The following SLC2A8 variants were observed in gnomAD, a reference collection of about 807,000 sequenced individuals.
The protein encoded by SLC2A8 is solute carrier family 2, facilitated glucose transporter member 8.
SLC2A8 carries 53 observed loss-of-function variants against 49.2 expected under a neutral mutation model. The ratio of observed to expected loss-of-function variants is 1.08; its 90% CI spans 0.86 to 1.35. The LOEUF (loss-of-function observed/expected upper bound fraction) is 1.35. SLC2A8 is among the 40% of genes most tolerant of loss of function. SLC2A8 has a pLI of 0.00. For synonymous variants in SLC2A8, 299 were observed against 297.0 expected (o/e 1.01, Z -0.07); for missense variants, 688 against 671.7 (o/e 1.02, Z -0.27).
rs529857347 is a variant in SLC2A8 at position 127,404,801 on chromosome 9, C to T, written c.977-17C>T. 171 of 1,602,252 alleles carry T rather than the reference C, an allele frequency of 1.1e-4. 1 individual carries two copies. In the South Asian group the frequency reaches 1.3e-3, roughly 12 times the overall value. On this transcript the variant is annotated splice_polypyrimidine_tract_variant and intron_variant, in intron 7 of 9. Coordinates refer to ENST00000373371, the MANE Select transcript of SLC2A8 (RefSeq NM_014580.5). Reference sequence around the variant, plus strand: ...GTTCCCCGGGTGCCCCGCCCACTGCCGCCCTCCCGCCTGCAGGTGTGGTCA... The same window carrying T: ...GTTCCCCGGGTGCCCCGCCCACTGCTGCCCTCCCGCCTGCAGGTGTGGTCA...
chr9:127,406,194 G>A (rs528047593), intron 9 of SLC2A8, among the ~76,000 whole-genome samples: 4 of 152,364 alleles, frequency 2.6e-5, no homozygotes, highest in East Asian at 3.9e-4. Context: ...CATTCAAGGC[G>A]CCAGGGAGAG....
In SLC2A8 at chr9:127,403,774, G is replaced by A. The variant is rs768731272; in HGVS notation, c.838G>A (p.Glu280Lys). Residue 280 changes from glutamate to lysine, a missense_variant, in exon 6 of 10, where the codon GAG becomes AAG. Coordinates refer to ENST00000373371, the MANE Select transcript of SLC2A8 (RefSeq NM_014580.5). ...SGVNAVMFYA[E>K]TIFEEAKFKD... ...GGTCAACGCCGTCATGTTCTATGCA[G>A]AGACCATCTTTGAAGAGGCCAAGTT... 11 of 1,613,156 alleles carry A rather than the reference G, an allele frequency of 6.8e-6. No individual in the cohort carries two copies. The highest frequency in any genetic ancestry group is 9.3e-6 in the Non-Finnish European group (11 of 1,179,974).
intron 8 of SLC2A8, 113 bp from the exon 9 acceptor site, chr9:127,405,307 C>T (rs1469779677): frequency 1.0e-5 from 13 of 1,265,318 alleles, no homozygotes; most frequent in Non-Finnish European, 1.4e-5. Flanking sequence ...ACACTGGGAT[C>T]CGGGACCCCA....
chr9:127,407,305 A>G lies in SLC2A8; in HGVS notation c.*56A>G. 6.2e-7 allele frequency: 1 copy of G among 1,607,080 alleles called. No individual in the cohort carries two copies. Among genetic ancestry groups the G allele is most frequent in the Non-Finnish European group, 8.5e-7 (1 of 1,175,680 alleles). On this transcript the variant is annotated 3_prime_UTR_variant, in exon 10 of 10. Transcript: ENST00000373371. ...GTGACTCCAAGCTGGGCCCAAGCCC[A>G]GAGCCCCTGCCTGCCCCAGGGGAGC...
rs1479805410 is a variant in SLC2A8 at position 127,397,247 on chromosome 9, C to G, written c.17C>G (p.Pro6Arg). 1 of 1,440,614 alleles carries G rather than the reference C, an allele frequency of 6.9e-7. No individual in the cohort carries two copies. The highest frequency in any genetic ancestry group is 3.0e-5 in the Admixed American group (1 of 33,514). The allele number at this position is 1,440,614 out of a possible 1,614,324, so 89.2% of individuals were successfully genotyped here. The change falls in exon 1 of 10, where the codon CCA becomes CGA. Residue 6 changes from proline to arginine, a missense_variant. Transcript: ENST00000373371. MTPEDPEETQPLLGPP... is the reference protein window; with the variant it reads MTPEDREETQPLLGPP... The stretch of plus-strand genomic sequence containing the variant: ...GCCGCCGACATGACGCCCGAGGACC[C>G]AGAGGAAACCCAGCCGCTTCTGGGG...
rs572642864 is a variant in SLC2A8 at position 127,397,441 on chromosome 9, G to C, written c.122G>C (p.Gly41Ala). 41 of 1,487,222 alleles carry C rather than the reference G, an allele frequency of 2.8e-5. 1 individual carries two copies. In the South Asian group the frequency reaches 4.4e-4, roughly 16 times the overall value. The allele number at this position is 1,487,222 out of a possible 1,614,324, so 92.1% of individuals were successfully genotyped here. The change falls in exon 2 of 10, where the codon GGC becomes GCC. Residue 41 changes from glycine (G) to alanine (A), a missense_variant. Transcript: ENST00000373371. ...GCTGCCCTGGGCCCACTCAGCTTCG[G>C]CTTCGCGCTCGGCTACAGCTCCCCG... Reference protein sequence around the residue: ...FAAALGPLSFGFALGYSSPAI... With the variant: ...FAAALGPLSFAFALGYSSPAI...
At chr9:127,403,897 G>T in intron 6 of SLC2A8, 62 bp from the exon 7 acceptor site, 1 of 1,600,758 alleles carries the variant, frequency 6.2e-7, no homozygotes, top group Non-Finnish European at 8.5e-7. Flanking sequence ...CACAGGCCTG[G>T]AGAGGGAGGG....
At chr9:127,404,093 C>T (rs771653193) in intron 7 of SLC2A8, 26 bp downstream of exon 7, 1 of 1,536,648 alleles carries the variant, frequency 6.5e-7, no homozygotes, top group African/African-American at 1.4e-5. Flanking sequence ...TGTGCAGCCT[C>T]CCCGCCATGC....
At chr9:127,407,018 G>A in intron 9 of SLC2A8, 94 bp from the exon 10 acceptor site, 1 of 1,446,380 alleles carries the variant, frequency 6.9e-7, no homozygotes, top group Non-Finnish European at 9.5e-7. Flanking sequence ...GGGGTCAGGG[G>A]ACTGGACCCC....
chr9:127,398,321 G>T (rs776992243), intron 3 of SLC2A8: 5 of 782,080 alleles, frequency 6.4e-6, no homozygotes, highest in African/African-American at 1.7e-5. Flanking sequence ...GTCATGACAT[G>T]CAGTCTCGGA....
intron 4 of SLC2A8, among the ~76,000 whole-genome samples, chr9:127,401,810 G>A (rs749348183): frequency 7.2e-5 from 11 of 152,136 alleles, no homozygotes; most frequent in Non-Finnish European, 1.2e-4. Context: ...AGAAAAATAG[G>A]GACATCATGG....
chr9:127,403,794 C>G lies in SLC2A8; in HGVS notation c.858C>G (p.Ala286=), dbSNP rs773571199. The G allele has an allele frequency of 3.1e-6, 5 of 1,612,764 alleles. No homozygotes were observed. Among genetic ancestry groups the G allele is most frequent in the Non-Finnish European group, 4.2e-6 (5 of 1,179,714 alleles). Residue 286 remains alanine, a synonymous_variant, in exon 6 of 10, where the codon GCC becomes GCG. Transcript: ENST00000373371. Reference sequence around the variant, plus strand: ...ATGCAGAGACCATCTTTGAAGAGGCCAAGTTCAAGGTAAAAGGGCCCTGCC... The same window carrying G: ...ATGCAGAGACCATCTTTGAAGAGGCGAAGTTCAAGGTAAAAGGGCCCTGCC... The part of the protein sequence containing the change: ...MFYAETIFEE[A]KFKDSSLASV...
chr9:127,397,243 G>T lies in SLC2A8; in HGVS notation c.13G>T (p.Asp5Tyr). MTPE[D>Y]PEETQPLLGP... ...GTTGGCCGCCGACATGACGCCCGAG[G>T]ACCCAGAGGAAACCCAGCCGCTTCT... Residue 5 changes from aspartate (D) to tyrosine (Y), a missense_variant, in exon 1 of 10, where the codon GAC becomes TAC. Coordinates refer to ENST00000373371, the MANE Select transcript of SLC2A8 (RefSeq NM_014580.5). 1 of 1,447,666 alleles carries T rather than the reference G, an allele frequency of 6.9e-7. No individual in the cohort carries two copies. The highest frequency in any genetic ancestry group is 9.0e-7 in the Non-Finnish European group (1 of 1,108,920). 89.7% of individuals were successfully genotyped at this position (1,447,666 alleles called of 1,614,324 possible). A position where few individuals can be genotyped will look rare whatever the true frequency, so the allele number is the denominator to read the frequency against.
At chr9:127,398,218 T>C in intron 3 of SLC2A8, 107 bp downstream of exon 3, 1 of 1,197,108 alleles carries the variant, frequency 8.4e-7, no homozygotes, top group Non-Finnish European at 1.2e-6. Flanking sequence ...GGCGGGACCT[T>C]CTGGGTGCCA....
rs114322387 is a variant in SLC2A8 at position 127,403,451 on chromosome 9, G to A, written c.724-209G>A. 3.8e-3 allele frequency: 2,310 copies of A among 604,488 alleles called. 48 individuals carry two copies. The African/African-American group carries it at 0.038, about 10-fold the overall frequency. 37.4% of individuals were successfully genotyped at this position (604,488 alleles called of 1,614,324 possible). A position where few individuals can be genotyped will look rare whatever the true frequency, so the allele number is the denominator to read the frequency against. On this transcript the variant is annotated intron_variant, in intron 5 of 9. Transcript: ENST00000373371. ...TTTGTGGCTCCCCCCCACCTATCAG[G>A]AAGTGCCCTGGGCAGGTGAGGGTCA...
chr9:127,402,726 G>T lies in SLC2A8; in HGVS notation c.696G>T (p.Trp232Cys). The T allele has an allele frequency of 6.4e-7, 1 of 1,553,202 alleles. No homozygotes were observed. Among genetic ancestry groups the T allele is most frequent in the East Asian group, 2.4e-5 (1 of 41,884 alleles). The change falls in exon 5 of 10, where the codon TGG becomes TGT. Residue 232 changes from tryptophan (W) to cysteine (C), a missense_variant. Coordinates refer to ENST00000373371, the MANE Select transcript of SLC2A8 (RefSeq NM_014580.5). ...TCCTGTGGGGCTCCGAGCAGGGCTGGGAAGACCCCCCCATCGGGGCTGAGC... is the reference window on the plus strand; with the variant it reads ...TCCTGTGGGGCTCCGAGCAGGGCTGTGAAGACCCCCCCATCGGGGCTGAGC... ...LRFLWGSEQG[W>C]EDPPIGAEQS...
rs1459185623 is a variant in SLC2A8, at chr9:127,399,949, C to G, written c.469C>G (p.Leu157Val). The G allele has an allele frequency of 1.2e-6, 2 of 1,613,918 alleles. No individual in the cohort carries two copies. Among genetic ancestry groups the G allele is most frequent in the Admixed American group, 3.3e-5 (2 of 60,018 alleles). ...CGCCTACCCAGCAGTCCGGGGGTTG[C>G]TCGGCTCCTGTGTGCAGCTAATGGT... ...EIAYPAVRGL[L>V]GSCVQLMVVV... is the part of the protein sequence containing the mutation. Residue 157 changes from leucine to valine, a missense_variant, in exon 4 of 10, where the codon CTC becomes GTC. Coordinates refer to ENST00000373371, the MANE Select transcript of SLC2A8 (RefSeq NM_014580.5). This position sits in a 1 kb window ranked among gnomAD's most constrained non-coding sequence, Gnocchi z 4.2.
intron 8 of SLC2A8, 66 bp from the exon 9 acceptor site, chr9:127,405,354 T>C: frequency 6.4e-7 from 1 of 1,560,384 alleles, no homozygotes; most frequent in East Asian, 2.3e-5. Flanking sequence ...CTCTTGGCTC[T>C]GCAGCAAGCT....
rs947415431 is a variant in SLC2A8, at chr9:127,398,239, C to G, written c.426+128C>G. 33 of 975,162 alleles carry G rather than the reference C, an allele frequency of 3.4e-5. No individual in the cohort carries two copies. In the African/African-American group the frequency reaches 5.1e-4, roughly 15 times the overall value. The allele number at this position is 975,162 out of a possible 1,614,324, so 60.4% of individuals were successfully genotyped here. A position where few individuals can be genotyped will look rare whatever the true frequency, so the allele number is the denominator to read the frequency against. ...ACCTTCTGGGTGCCAGGCTTGAAGT[C>G]CCTGCGTTATCTCGCGGTCCCTCCC... is the stretch of plus-strand genomic sequence containing the variant. On this transcript the variant is annotated intron_variant, in intron 3 of 9. Transcript: ENST00000373371.
Sources: allele counts gnomAD v4.1 joint callset (sites outside exome capture counted in the v4.1 genomes callset), GRCh38; gene constraint gnomAD v4.1.1; non-coding constraint Gnocchi (gnomAD v3.1); transcripts MANE v1.5; gene names NCBI Gene and HGNC (gene_info 2026-07-23, HGNC 2026-07-21).